Variants in TMEM131L observed in about 807,000 individuals in gnomAD.
TMEM131L encodes transmembrane 131 like.
TMEM131L carries 54 observed loss-of-function variants against 192.2 expected under a neutral mutation model. That is an observed-to-expected ratio of 0.28 (90% CI 0.23 to 0.35). The LOEUF (loss-of-function observed/expected upper bound fraction) is 0.35. Ranked by LOEUF, TMEM131L falls within the 10% of genes least tolerant of loss-of-function variation. The probability of loss-of-function intolerance (pLI) is 1.00; values close to 1 mark genes in which losing one functional copy is unlikely to be tolerated. For synonymous variants in TMEM131L, 701 were observed against 704.9 expected (o/e 0.99, Z 0.09); for missense variants, 1,888 against 1,972.9 (o/e 0.96, Z 0.82).
At chr4:153,486,111 C>G (rs777463687) in intron 3 of TMEM131L, among the ~76,000 whole-genome samples, 3 of 152,112 alleles carry the variant, frequency 2.0e-5, no homozygotes, top group Non-Finnish European at 4.4e-5. Flanking sequence ...CAACTGAATA[C>G]TTTCTTAGGC....
Position 153,466,419 on chromosome 4 carries a change from C to T in TMEM131L, c.22C>T (p.Gln8Ter). The change falls in exon 1 of 35, where the codon CAG becomes TAG. Residue 8 changes from glutamine (Q) to a stop codon, truncating the protein, a stop_gained. Transcript: ENST00000409959. LOFTEE classifies it high-confidence loss of function. The stretch of plus-strand genomic sequence containing the variant: ...CAGCATGGCGGGGCTCCGACGCCCG[C>T]AGCCCGGCTGCTACTGCCGCACCGC... MAGLRRP[Q>*]PGCYCRTAAA... 7.3e-7 allele frequency: 1 copy of T among 1,373,060 alleles called. No homozygotes were observed. Among genetic ancestry groups the T allele is most frequent in the Non-Finnish European group, 9.5e-7 (1 of 1,055,768 alleles). 85.1% of individuals were successfully genotyped at this position (1,373,060 alleles called of 1,614,324 possible). A position where few individuals can be genotyped will look rare whatever the true frequency, so the allele number is the denominator to read the frequency against.
intron 25 of TMEM131L, among the ~76,000 whole-genome samples, chr4:153,612,026 A>G (rs200975878): frequency 2.7e-5 from 4 of 146,874 alleles, no homozygotes; most frequent in Admixed American, 2.7e-4. Flanking sequence ...GTCCCCCCCC[A>G]CCTTTTTCCC....
Position 153,583,546 on chromosome 4 carries a change from A to G in TMEM131L, c.952-18A>G, listed in dbSNP as rs755933991. 1 of 1,524,034 alleles carries G rather than the reference A, an allele frequency of 6.6e-7. No homozygotes were observed. The highest frequency in any genetic ancestry group is 9.1e-7 in the Non-Finnish European group (1 of 1,099,392). The allele number at this position is 1,524,034 out of a possible 1,614,324, so 94.4% of individuals were successfully genotyped here. ...TCCCAGCTGAGAGTAGTCACATGGGACTTTTCTTTTATTTCAGGATATACG... is the reference window on the plus strand; with the variant it reads ...TCCCAGCTGAGAGTAGTCACATGGGGCTTTTCTTTTATTTCAGGATATACG... On this transcript the variant is annotated intron_variant, in intron 10 of 34. Transcript: ENST00000409959.
At chr4:153,623,184 G>A in intron 29 of TMEM131L, 101 bp downstream of exon 29, 6 of 1,033,994 alleles carry the variant, frequency 5.8e-6, no homozygotes, top group Non-Finnish European at 8.1e-6. Flanking sequence ...GGAGTGCAGA[G>A]GACAGATGGG....
chr4:153,580,783 G>A, intron 7 of TMEM131L, 43 bp from the exon 8 acceptor site: 4 of 1,135,388 alleles, frequency 3.5e-6, no homozygotes, highest in Non-Finnish European at 4.0e-6. Flanking sequence ...GTGAGATTGA[G>A]CCTTTTACTT....
At chr4:153,575,110 T>G (rs1729848089) in intron 7 of TMEM131L, among the ~76,000 whole-genome samples, 1 of 152,176 alleles carries the variant, frequency 6.6e-6, no homozygotes, top group Non-Finnish European at 1.5e-5. Flanking sequence ...TCAAATATAT[T>G]TATTTATTAG....
intron 3 of TMEM131L, among the ~76,000 whole-genome samples, chr4:153,537,595 A>G (rs1291782851): frequency 6.6e-6 from 1 of 152,166 alleles, no homozygotes; most frequent in Non-Finnish European, 1.5e-5. Context: ...GGTGGAGTGT[A>G]GCAGTGAGGA....
chr4:153,538,450 G>A (rs1214583976), intron 3 of TMEM131L, among the ~76,000 whole-genome samples: 2 of 152,224 alleles, frequency 1.3e-5, no homozygotes, highest in Non-Finnish European at 2.9e-5. Context: ...GGTTTTCCCA[G>A]TGAAAGACAG....
intron 11 of TMEM131L, among the ~76,000 whole-genome samples, chr4:153,584,098 G>A (rs1270975704): frequency 1.3e-5 from 2 of 152,226 alleles, no homozygotes; most frequent in Admixed American, 1.3e-4. Flanking sequence ...TAAGAAATGT[G>A]TGTTTGTTAG....
chr4:153,498,884 C>T (rs752884417), intron 3 of TMEM131L, among the ~76,000 whole-genome samples: 12 of 152,142 alleles, frequency 7.9e-5, no homozygotes, highest in African/African-American at 1.2e-4. Context: ...TTTTGCCAAC[C>T]TTTCTTGGAA....
intron 7 of TMEM131L, among the ~76,000 whole-genome samples, chr4:153,560,057 T>A (rs1366010777): frequency 6.6e-6 from 1 of 152,178 alleles, no homozygotes; most frequent in Non-Finnish European, 1.5e-5. Context: ...CCTTCCTTTT[T>A]CAACTCACAC....
At chr4:153,544,932 C>A (rs1249169189) in intron 3 of TMEM131L, among the ~76,000 whole-genome samples, 2 of 152,202 alleles carry the variant, frequency 1.3e-5, no homozygotes. Flanking sequence ...GTCTCTGGCC[C>A]TGCCTCTCAC....
At chr4:153,508,464 C>A (rs1048696250) in intron 3 of TMEM131L, among the ~76,000 whole-genome samples, 13 of 152,088 alleles carry the variant, frequency 8.5e-5, no homozygotes, top group Admixed American at 3.3e-4. Context: ...CATCTGAATC[C>A]TAAGTTCAGA....
At chr4:153,531,872 C>T (rs1735924868) in intron 3 of TMEM131L, among the ~76,000 whole-genome samples, 1 of 152,174 alleles carries the variant, frequency 6.6e-6, no homozygotes, top group Non-Finnish European at 1.5e-5. Context: ...ACTTGTTCTT[C>T]TCTTATTCTA....
intron 7 of TMEM131L, among the ~76,000 whole-genome samples, chr4:153,580,373 C>CTT (rs1262641073): frequency 2.6e-5 from 4 of 151,598 alleles, no homozygotes; most frequent in Non-Finnish European, 5.9e-5. Flanking sequence ...TTTGGTCTAA[C>CTT]TTGAGGGTCA....
chr4:153,479,403 T>C (rs1226539808), intron 3 of TMEM131L, among the ~76,000 whole-genome samples: 1 of 152,182 alleles, frequency 6.6e-6, no homozygotes. Context: ...AGAAAGATCG[T>C]TTTTGGGAAT....
At chr4:153,575,618 A>ACTTTATATGAAATAATATGAAAT (rs1232666539) in intron 7 of TMEM131L, among the ~76,000 whole-genome samples, 1 of 152,188 alleles carries the variant, frequency 6.6e-6, no homozygotes, top group Non-Finnish European at 1.5e-5. Context: ...AGGGGATAAT[A>ACTTTATATGAAATAATATGAAAT]CTTTATATGA....
intron 6 of TMEM131L, among the ~76,000 whole-genome samples, chr4:153,557,475 A>G (rs1195607463): frequency 6.6e-6 from 1 of 152,196 alleles, no homozygotes; most frequent in Non-Finnish European, 1.5e-5. Flanking sequence ...TGGCTCAGGA[A>G]TATTTCTAAT....
chr4:153,612,665 G>GTAGA (rs1337420560), intron 26 of TMEM131L, among the ~76,000 whole-genome samples: 1 of 152,160 alleles, frequency 6.6e-6, no homozygotes, highest in Non-Finnish European at 1.5e-5. Context: ...TGATGGCAGA[G>GTAGA]TAGAACTTGA....
Sources: allele counts gnomAD v4.1 joint callset (sites outside exome capture counted in the v4.1 genomes callset), GRCh38; gene constraint gnomAD v4.1.1; transcripts MANE v1.5; gene names NCBI Gene and HGNC (gene_info 2026-07-23, HGNC 2026-07-21).